Variants in ASTN1 observed in about 807,000 individuals in gnomAD.
ASTN1 encodes astrotactin 1.
Under a neutral mutation model 140.7 loss-of-function variants are expected in ASTN1, and 41 were observed. That is an observed-to-expected ratio of 0.29 (90% CI 0.23 to 0.38). The LOEUF is 0.38. Ranked by LOEUF, ASTN1 falls within the 10% of genes least tolerant of loss-of-function variation. ASTN1 has a pLI of 1.00. For missense variants in ASTN1, 1,479 were observed against 1,678.8 expected (o/e 0.88, Z 2.08); for synonymous variants, 640 against 652.2 (o/e 0.98, Z 0.29).
chr1:176,865,673 T>C (rs1001429997), intron 22 of ASTN1, among the ~76,000 whole-genome samples: 5 of 152,232 alleles, frequency 3.3e-5, no homozygotes, highest in African/African-American at 1.2e-4. Flanking sequence ...GTCTAACTCA[T>C]GGGCAGAACC....
intron 14 of ASTN1, among the ~76,000 whole-genome samples, chr1:176,942,866 A>ATATAT (rs1385017638): frequency 7.9e-4 from 55 of 69,862 alleles, no homozygotes; most frequent in African/African-American, 9.4e-4. Flanking sequence ...ATATATATAT[A>ATATAT]GATTGATGTC....
rs765843750 is a variant in ASTN1, at chr1:177,061,060, A to C, written c.471+18T>G. ...ACATAAGCTATGGCCTGAGAGGCTA[A>C]GGCTGTTCTGCTCTTACCATGACTG... On this transcript the variant is annotated intron_variant, in intron 2 of 22. Coordinates refer to ENST00000361833, the MANE Select transcript of ASTN1 (RefSeq NM_004319.3). 3 of 1,556,946 alleles carry C rather than the reference A, an allele frequency of 1.9e-6. No individual in the cohort carries two copies. The highest frequency in any genetic ancestry group is 2.6e-6 in the Non-Finnish European group (3 of 1,150,784).
At chr1:177,148,278 C>A (rs999947927) in intron 1 of ASTN1, among the ~76,000 whole-genome samples, 1 of 151,812 alleles carries the variant, frequency 6.6e-6, no homozygotes, top group African/African-American at 2.4e-5. Flanking sequence ...ATTAGCCGGG[C>A]GTGGTGGCGG....
intron 1 of ASTN1, among the ~76,000 whole-genome samples, chr1:177,112,504 A>G (rs533228780): frequency 6.5e-4 from 99 of 152,336 alleles, no homozygotes; most frequent in African/African-American, 2.2e-3. Flanking sequence ...GACCGGGGAC[A>G]TTGACTCAAA....
At chr1:176,970,151 C>G (rs1673074726) in intron 8 of ASTN1, among the ~76,000 whole-genome samples, 1 of 152,222 alleles carries the variant, frequency 6.6e-6, no homozygotes, top group Non-Finnish European at 1.5e-5. Context: ...TCCCAATTCT[C>G]TCTCCTCCCC....
chr1:176,864,140 C>A lies in ASTN1; in HGVS notation c.*144G>T, dbSNP rs1668054147. 9 of 1,490,758 alleles carry A rather than the reference C, an allele frequency of 6.0e-6. No homozygotes were observed. Among genetic ancestry groups the A allele is most frequent in the Non-Finnish European group, 6.2e-6 (7 of 1,128,146 alleles). 92.3% of individuals were successfully genotyped at this position (1,490,758 alleles called of 1,614,324 possible). A position where few individuals can be genotyped will look rare whatever the true frequency, so the allele number is the denominator to read the frequency against. ...CATACTGAAGAAGTTCTGCAGGGAG[C>A]AAGGATCACTTTCTCCCTGGTTTCG... On this transcript the variant is annotated 3_prime_UTR_variant, in exon 23 of 23. Transcript: ENST00000361833.
At chr1:176,939,889 GGGAA>G (rs1671642904) in intron 14 of ASTN1, among the ~76,000 whole-genome samples, 1 of 151,274 alleles carries the variant, frequency 6.6e-6, no homozygotes, top group African/African-American at 2.4e-5. Flanking sequence ...GACGGAGGAA[GGGAA>G]GGAAGGAAGG....
intron 1 of ASTN1, among the ~76,000 whole-genome samples, chr1:177,111,202 G>A (rs61813338): frequency 2.6e-5 from 4 of 152,116 alleles, no homozygotes; most frequent in Non-Finnish European, 5.9e-5. Context: ...CTGGTGTTTC[G>A]ATTTTACAAT....
chr1:176,943,055 A>G (rs1671807544), intron 14 of ASTN1, among the ~76,000 whole-genome samples: 1 of 151,388 alleles, frequency 6.6e-6, no homozygotes, highest in Non-Finnish European at 1.5e-5. Flanking sequence ...TTGAATAAGG[A>G]AGACAGAATG....
At chr1:177,145,677 TGTCA>T (rs3041967) in intron 1 of ASTN1, among the ~76,000 whole-genome samples, 15 of 152,206 alleles carry the variant, frequency 9.9e-5, no homozygotes, top group Admixed American at 6.5e-4. Context: ...TCAGTCAGTC[TGTCA>T]GTCAGTCAGT....
At chr1:176,994,177 C>T (rs1455435215) in intron 8 of ASTN1, among the ~76,000 whole-genome samples, 3 of 151,900 alleles carry the variant, frequency 2.0e-5, no homozygotes, top group African/African-American at 7.3e-5. Flanking sequence ...CCCTTCCTCC[C>T]TAACCTTCAC....
At chr1:177,130,345 G>C (rs769810046) in intron 1 of ASTN1, among the ~76,000 whole-genome samples, 1 of 151,980 alleles carries the variant, frequency 6.6e-6, no homozygotes, top group Non-Finnish European at 1.5e-5. Flanking sequence ...GTACCCTCCC[G>C]CCGCAGACCT....
intron 2 of ASTN1, 71 bp downstream of exon 2, chr1:177,061,007 T>C: frequency 3.7e-6 from 5 of 1,365,514 alleles, no homozygotes; most frequent in Non-Finnish European, 4.9e-6. Context: ...GTGATATCTA[T>C]AATACCAAGA....
At chr1:177,095,833 A>C (rs1270193906) in intron 1 of ASTN1, among the ~76,000 whole-genome samples, 2 of 152,178 alleles carry the variant, frequency 1.3e-5, no homozygotes, top group Non-Finnish European at 2.9e-5. Flanking sequence ...TTGCAATTCC[A>C]GTCTGGAACA....
At chr1:176,964,582 C>G (rs2101848947) in intron 9 of ASTN1, among the ~76,000 whole-genome samples, 1 of 152,194 alleles carries the variant, frequency 6.6e-6, no homozygotes, top group East Asian at 1.9e-4. Flanking sequence ...ACGTGCTATT[C>G]CCAGGTATGT....
At chr1:177,016,998 G>C (rs935526999) in intron 7 of ASTN1, among the ~76,000 whole-genome samples, 1 of 152,180 alleles carries the variant, frequency 6.6e-6, no homozygotes, top group African/African-American at 2.4e-5. Flanking sequence ...GCCTTGCCTA[G>C]AATTAGGGAT....
intron 1 of ASTN1, among the ~76,000 whole-genome samples, chr1:177,124,626 G>A (rs1191199562): frequency 6.6e-6 from 1 of 152,168 alleles, no homozygotes; most frequent in Non-Finnish European, 1.5e-5. Context: ...AGAAGCCACT[G>A]CCCAGAGGAA....
At position 176,977,405 on chromosome 1, in the gene ASTN1, T is replaced by C. The variant is rs751499733; in HGVS notation, c.1524-12168A>G. ...AATGATTAATACACATTTTCTGCTA[T>C]GAAGAATGTCATTAACGCACTGATT... On this transcript the variant is annotated intron_variant, in intron 8 of 22. Transcript: ENST00000361833. Among the ~76,000 whole-genome samples, 4 of 152,240 alleles carry C rather than the reference T, an allele frequency of 2.6e-5. 1 individual carries two copies. In the South Asian group the frequency reaches 8.3e-4, roughly 31 times the overall value.
At chr1:176,881,285 T>C (rs943681655) in intron 20 of ASTN1, among the ~76,000 whole-genome samples, 8 of 152,160 alleles carry the variant, frequency 5.3e-5, no homozygotes, top group African/African-American at 1.9e-4. Flanking sequence ...AGGGACATAA[T>C]GGGAGATCAG....
Sources: gnomAD v4.1 joint callset for allele counts (sites outside exome capture counted in the v4.1 genomes callset) on GRCh38, gnomAD v4.1.1 for gene constraint, MANE v1.5 for transcripts, NCBI Gene and HGNC (gene_info 2026-07-23, HGNC 2026-07-21) for gene names.